The following DLG2 variants were observed in gnomAD, a reference collection of about 807,000 sequenced individuals.
DLG2 encodes the protein discs large MAGUK scaffold protein 2.
DLG2 carries 45 observed loss-of-function variants against 132.5 expected under a neutral mutation model. The ratio of observed to expected loss-of-function variants is 0.34; its 90% CI spans 0.27 to 0.44. DLG2 has a LOEUF of 0.44. DLG2 is among the 20% of genes least tolerant of loss of function. DLG2 has a pLI of 1.00. For missense variants in DLG2, 1,045 were observed against 1,196.9 expected (o/e 0.87, Z 1.87); for synonymous variants, 424 against 419.6 (o/e 1.01, Z -0.13).
In DLG2 at chr11:84,600,226, GAA is replaced by G. The variant is rs879821795; in HGVS notation, c.358-65497_358-65496del. ...AAAGAAAGAAAGAAAGAAAGAAAGAGAAAGAAAGACAGAAAAGCAAGCAAGCA... is the reference window on the plus strand; with the variant it reads ...AAAGAAAGAAAGAAAGAAAGAAAGAGAGAAAGACAGAAAAGCAAGCAAGCA... On this transcript the variant is annotated intron_variant, in intron 6 of 27. Transcript: ENST00000376104. 5.6e-3 allele frequency among the ~76,000 whole-genome samples: 687 copies of G among 121,652 alleles called. 9 individuals are homozygous for G. Among genetic ancestry groups the G allele is most frequent in the Middle Eastern group, 0.013 (3 of 232 alleles). The allele number at this position is 121,652 out of a possible 152,430, so 79.8% of individuals were successfully genotyped here.
chr11:83,581,993 G>A (rs961591174), intron 19 of DLG2, among the ~76,000 whole-genome samples: 1 of 113,242 alleles, frequency 8.8e-6, no homozygotes, highest in Non-Finnish European at 1.6e-5. Context: ...TTTCACTCTG[G>A]TTGCGCAGGC....
intron 7 of DLG2, among the ~76,000 whole-genome samples, chr11:84,403,165 G>A (rs1206655740): frequency 6.6e-6 from 1 of 152,008 alleles, no homozygotes; most frequent in African/African-American, 2.4e-5. Flanking sequence ...GGAGATAATT[G>A]TTAGTAGGTT....
At chr11:85,487,790 A>T (rs2153100844) in intron 3 of DLG2, among the ~76,000 whole-genome samples, 1 of 152,330 alleles carries the variant, frequency 6.6e-6, no homozygotes, top group East Asian at 1.9e-4. Flanking sequence ...AGACATTTAG[A>T]CATACAGATA....
At chr11:85,130,241 C>T (rs1042176941) in intron 5 of DLG2, among the ~76,000 whole-genome samples, 23 of 152,082 alleles carry the variant, frequency 1.5e-4, no homozygotes, top group African/African-American at 5.6e-4. Flanking sequence ...CTAATAGATC[C>T]TTTTATATTA....
At chr11:84,960,639 G>A (rs1013450005) in intron 6 of DLG2, among the ~76,000 whole-genome samples, 9 of 151,964 alleles carry the variant, frequency 5.9e-5, no homozygotes, top group Admixed American at 1.3e-4. Context: ...GGGTATCACC[G>A]TATTGCCCAG....
At chr11:84,487,766 A>G (rs892663482) in intron 7 of DLG2, among the ~76,000 whole-genome samples, 1 of 152,144 alleles carries the variant, frequency 6.6e-6, no homozygotes, top group Non-Finnish European at 1.5e-5. Context: ...ACAGCTGGGA[A>G]AAATGAGGAA....
intron 18 of DLG2, among the ~76,000 whole-genome samples, chr11:83,642,196 TATC>T (rs1003111441): frequency 2.0e-5 from 3 of 152,196 alleles, no homozygotes; most frequent in Middle Eastern, 3.2e-3. Flanking sequence ...GGCACACAGT[TATC>T]AGCTAATAAA....
chr11:83,667,018 A>G (rs2075742395), intron 18 of DLG2, among the ~76,000 whole-genome samples: 1 of 152,192 alleles, frequency 6.6e-6, no homozygotes, highest in Non-Finnish European at 1.5e-5. Context: ...GCAAACTGCG[A>G]TATACGGTCA....
At chr11:84,427,327 T>C (rs369374946) in intron 7 of DLG2, among the ~76,000 whole-genome samples, 15 of 152,174 alleles carry the variant, frequency 9.9e-5, no homozygotes, top group Admixed American at 4.6e-4. Flanking sequence ...GCAGTTTTAA[T>C]TGAATCATAA....
At chr11:85,371,628 C>T (rs2084981888) in intron 3 of DLG2, among the ~76,000 whole-genome samples, 1 of 152,180 alleles carries the variant, frequency 6.6e-6, no homozygotes. Flanking sequence ...GGGAAACTGG[C>T]CTCATACCCT....
intron 3 of DLG2, among the ~76,000 whole-genome samples, chr11:85,475,418 AT>A (rs1398746418): frequency 1.3e-5 from 2 of 152,034 alleles, no homozygotes; most frequent in Admixed American, 1.3e-4. Flanking sequence ...AGTACAAAAA[AT>A]AAACATTATA....
At chr11:84,276,098 T>C (rs2097781099) in intron 7 of DLG2, among the ~76,000 whole-genome samples, 1 of 152,212 alleles carries the variant, frequency 6.6e-6, no homozygotes, top group East Asian at 1.9e-4. Context: ...GATTGAAAAC[T>C]AATAGCTTCC....
chr11:84,216,284 C>T (rs929619918), intron 8 of DLG2, among the ~76,000 whole-genome samples: 5 of 152,002 alleles, frequency 3.3e-5, no homozygotes, highest in Admixed American at 1.3e-4. Context: ...TACAGTGAAT[C>T]CCCCCAGAAA....
At chr11:83,650,469 A>C (rs1041376087) in intron 18 of DLG2, among the ~76,000 whole-genome samples, 1 of 152,162 alleles carries the variant, frequency 6.6e-6, no homozygotes, top group East Asian at 1.9e-4. Context: ...TTCACGGGGG[A>C]CTAGCCTTGC....
At chr11:85,464,589 G>A (rs1284549758) in intron 3 of DLG2, among the ~76,000 whole-genome samples, 1 of 152,066 alleles carries the variant, frequency 6.6e-6, no homozygotes, top group Non-Finnish European at 1.5e-5. Context: ...TAACAGCAAA[G>A]TTATCTATAG....
intron 3 of DLG2, among the ~76,000 whole-genome samples, chr11:85,595,481 C>A (rs1003257993): frequency 1.1e-4 from 16 of 152,176 alleles, no homozygotes; most frequent in African/African-American, 3.6e-4. Context: ...CAAGATGTCA[C>A]CCTAAGCCTA....
intron 7 of DLG2, among the ~76,000 whole-genome samples, chr11:84,336,906 A>G (rs2098487494): frequency 6.6e-6 from 1 of 152,140 alleles, no homozygotes; most frequent in African/African-American, 2.4e-5. Context: ...TCTAAACTCA[A>G]TCCAAGGGGA....
At chr11:84,989,543 C>T (rs1013385848) in intron 6 of DLG2, among the ~76,000 whole-genome samples, 1 of 152,098 alleles carries the variant, frequency 6.6e-6, no homozygotes, top group African/African-American at 2.4e-5. Flanking sequence ...GCACATCTCC[C>T]CAAACTGATA....
intron 18 of DLG2, among the ~76,000 whole-genome samples, chr11:83,784,532 T>C (rs1472958864): frequency 6.6e-6 from 1 of 152,234 alleles, no homozygotes; most frequent in Non-Finnish European, 1.5e-5. Context: ...AAAAAGCTTG[T>C]TGTTATCTGC....
Sources: gnomAD v4.1 joint callset for allele counts (sites outside exome capture counted in the v4.1 genomes callset) on GRCh38, gnomAD v4.1.1 for gene constraint, MANE v1.5 for transcripts, NCBI Gene and HGNC (gene_info 2026-07-23, HGNC 2026-07-21) for gene names.